TRAF3IP1: variants seen among roughly 807,000 people sequenced by gnomAD.
TRAF3IP1 encodes TRAF3-interacting protein 1.
A neutral mutation model predicts 89.9 loss-of-function variants in TRAF3IP1; 53 were observed. The observed-to-expected ratio is 0.59, with a 90% confidence interval of 0.47 to 0.74. The LOEUF (loss-of-function observed/expected upper bound fraction) is 0.74. TRAF3IP1 is among the 30% of genes least tolerant of loss of function. The pLI is 0.00. For missense variants in TRAF3IP1, 806 were observed against 866.1 expected (o/e 0.93, Z 0.87); for synonymous variants, 311 against 322.1 (o/e 0.97, Z 0.37).
rs372503577 is a variant in TRAF3IP1 at position 238,380,867 on chromosome 2, A to G, written c.1690-16592A>G. ...CATTTTCATGAAGGTGTGTGAGTCAATGTTTAAATGTGAGTGCTGTAGCCA... is the reference window on the plus strand; with the variant it reads ...CATTTTCATGAAGGTGTGTGAGTCAGTGTTTAAATGTGAGTGCTGTAGCCA... On this transcript the variant is annotated intron_variant, in intron 15 of 16. Coordinates refer to ENST00000373327, the MANE Select transcript of TRAF3IP1 (RefSeq NM_015650.4). Among the ~76,000 whole-genome samples, 102 of 152,340 alleles carry G rather than the reference A, an allele frequency of 6.7e-4. 1 individual carries two copies. In the South Asian group the frequency reaches 0.019, roughly 29 times the overall value.
chr2:238,335,766 TTTTATTTATTTA>T (rs141038702), intron 7 of TRAF3IP1, among the ~76,000 whole-genome samples: 1,409 of 137,108 alleles, frequency 0.01, 13 homozygotes, highest in African/African-American at 0.022. Context: ...TTTTATTTTA[TTTTATTTATTTA>T]TTTATTTATT....
chr2:238,323,678 A>T (rs975133110), intron 1 of TRAF3IP1, among the ~76,000 whole-genome samples: 1 of 152,206 alleles, frequency 6.6e-6, no homozygotes, highest in Non-Finnish European at 1.5e-5. Flanking sequence ...TAGCTGACCT[A>T]GGATATGTGG....
At chr2:238,368,964 C>T (rs916794514) in intron 15 of TRAF3IP1, among the ~76,000 whole-genome samples, 4 of 152,258 alleles carry the variant, frequency 2.6e-5, no homozygotes, top group East Asian at 1.9e-4. Context: ...TGAGCCACTG[C>T]GCCTGGCCAT....
At chr2:238,353,005 A>G (rs1699242114) in intron 13 of TRAF3IP1, 55 bp downstream of exon 13, 4 of 1,561,782 alleles carry the variant, frequency 2.6e-6, no homozygotes, top group Admixed American at 1.8e-5. Context: ...CTTCATTGAG[A>G]TTAATAGTCT....
rs115701832 is a variant in TRAF3IP1 at position 238,350,256 on chromosome 2, A to T, written c.1451+848A>T. Among the ~76,000 whole-genome samples, 440 of 152,196 alleles carry T rather than the reference A, an allele frequency of 2.9e-3. 2 individuals carry two copies. Among genetic ancestry groups the T allele is most frequent in the African/African-American group, 0.01 (417 of 41,544 alleles). ...GGGAAAGGTGGTGTCAAGGGGAGTT[A>T]TTATTTTTCTAATGACGGGAATGAT... On this transcript the variant is annotated intron_variant, in intron 12 of 16. Transcript: ENST00000373327.
At chr2:238,396,660 T>G (rs1292625752) in intron 15 of TRAF3IP1, among the ~76,000 whole-genome samples, 1 of 152,202 alleles carries the variant, frequency 6.6e-6, no homozygotes. Flanking sequence ...AAAGCTCATA[T>G]GAAGAGAATT....
At chr2:238,367,495 G>A (rs1397776591) in intron 15 of TRAF3IP1, among the ~76,000 whole-genome samples, 1 of 152,206 alleles carries the variant, frequency 6.6e-6, no homozygotes, top group African/African-American at 2.4e-5. Context: ...CTAGCTGAGC[G>A]AGTGGGCTTG....
At chr2:238,352,752 C>G in intron 12 of TRAF3IP1, 75 bp from the exon 13 acceptor site, 9 of 1,451,990 alleles carry the variant, frequency 6.2e-6, no homozygotes, top group Non-Finnish European at 8.4e-6. Flanking sequence ...CTCTGCCGAC[C>G]TCTGACACAG....
At chr2:238,356,172 C>A in intron 15 of TRAF3IP1, 92 bp downstream of exon 15, 1 of 1,015,730 alleles carries the variant, frequency 9.8e-7, no homozygotes, top group Non-Finnish European at 1.5e-6. Context: ...TTCAATATTA[C>A]CATTATCAGT....
At chr2:238,376,778 C>T (rs1164404945) in intron 15 of TRAF3IP1, among the ~76,000 whole-genome samples, 1 of 152,106 alleles carries the variant, frequency 6.6e-6, no homozygotes, top group African/African-American at 2.4e-5. Flanking sequence ...GACTTATAAC[C>T]AGCTTCATTT....
intron 3 of TRAF3IP1, among the ~76,000 whole-genome samples, chr2:238,328,360 G>GT: frequency 6.6e-6 from 1 of 152,122 alleles, no homozygotes; most frequent in East Asian, 1.9e-4. Context: ...GAAGTTTAAG[G>GT]TATTTGTAGT....
intron 12 of TRAF3IP1, among the ~76,000 whole-genome samples, chr2:238,352,194 G>T (rs547013728): frequency 6.6e-6 from 1 of 152,244 alleles, no homozygotes; most frequent in South Asian, 2.1e-4. Flanking sequence ...CACCAAGGAG[G>T]ACAAGGTCTG....
At chr2:238,336,466 A>G (rs1698394253) in intron 7 of TRAF3IP1, among the ~76,000 whole-genome samples, 1 of 152,148 alleles carries the variant, frequency 6.6e-6, no homozygotes, top group Admixed American at 6.6e-5. Context: ...GACACACTGG[A>G]CCTCTGTGTC....
rs1214100414 is a variant in TRAF3IP1, at chr2:238,320,688, C to T, written c.26C>T (p.Thr9Met). The T allele has an allele frequency of 1.4e-6, 2 of 1,417,376 alleles. No homozygotes were observed. The highest frequency in any genetic ancestry group is 1.9e-6 in the Non-Finnish European group (2 of 1,071,338). The allele number at this position is 1,417,376 out of a possible 1,614,324, so 87.8% of individuals were successfully genotyped here. The change falls in exon 1 of 17, where the codon ACG becomes ATG. Residue 9 changes from threonine to methionine, a missense_variant. Transcript: ENST00000373327. Reference protein sequence around the residue: MNAAVVRRTQEALGKVIRR... With the variant: MNAAVVRRMQEALGKVIRR... The stretch of plus-strand genomic sequence containing the variant: ...ATGAACGCGGCGGTGGTGAGGCGGA[C>T]GCAGGAGGCGCTGGGGAAAGTGATT...
chr2:238,371,120 C>T (rs1234328978), intron 15 of TRAF3IP1, among the ~76,000 whole-genome samples: 1 of 152,108 alleles, frequency 6.6e-6, no homozygotes, highest in Non-Finnish European at 1.5e-5. Flanking sequence ...TCAGTTAATG[C>T]GACATTGAAA....
At chr2:238,340,275 C>A (rs1698578505) in intron 8 of TRAF3IP1, among the ~76,000 whole-genome samples, 1 of 152,166 alleles carries the variant, frequency 6.6e-6, no homozygotes. Context: ...GTTACAGTTC[C>A]TTAATTTCTT....
chr2:238,380,986 T>G (rs1393041930), intron 15 of TRAF3IP1, among the ~76,000 whole-genome samples: 1 of 152,162 alleles, frequency 6.6e-6, no homozygotes, highest in East Asian at 1.9e-4. Flanking sequence ...TTTCCAGATC[T>G]CTATTGAGTC....
At chr2:238,393,134 A>G (rs1234020337) in intron 15 of TRAF3IP1, among the ~76,000 whole-genome samples, 1 of 152,244 alleles carries the variant, frequency 6.6e-6, no homozygotes, top group Non-Finnish European at 1.5e-5. Context: ...ACTGTGTTCC[A>G]GAGTGGCCAT....
At chr2:238,333,534 G>A (rs1336996497) in intron 6 of TRAF3IP1, among the ~76,000 whole-genome samples, 2 of 152,226 alleles carry the variant, frequency 1.3e-5, no homozygotes, top group Non-Finnish European at 2.9e-5. Context: ...AACTGTGCCA[G>A]TGGAGGGAGG....
Sources: allele counts gnomAD v4.1 joint callset (sites outside exome capture counted in the v4.1 genomes callset), GRCh38; gene constraint gnomAD v4.1.1; transcripts MANE v1.5; gene names NCBI Gene and HGNC (gene_info 2026-07-23, HGNC 2026-07-21).